The following SLC35F4 variants were observed in gnomAD, a reference collection of about 807,000 sequenced individuals.
SLC35F4 encodes chromosome 14 open reading frame 36.
Under a neutral mutation model 44.2 loss-of-function variants are expected in SLC35F4, and 24 were observed. That is an observed-to-expected ratio of 0.54 (90% confidence interval 0.39 to 0.76). The LOEUF (loss-of-function observed/expected upper bound fraction) is 0.76. SLC35F4 is among the 30% of genes least tolerant of loss of function. The probability of loss-of-function intolerance (pLI) is 0.00; values close to 1 mark genes in which losing one functional copy is unlikely to be tolerated. For missense variants in SLC35F4, 562 were observed against 586.1 expected (o/e 0.96, Z 0.42); for synonymous variants, 238 against 223.6 (o/e 1.06, Z -0.57).
At chr14:57,746,257 T>C (rs62003419) in intron 1 of SLC35F4, among the ~76,000 whole-genome samples, 33,259 of 152,012 alleles carry the variant, frequency 0.22, 4,171 homozygotes, top group South Asian at 0.34. Context: ...AAGTACTCAA[T>C]GATTCACCAT....
intron 6 of SLC35F4, among the ~76,000 whole-genome samples, chr14:57,569,052 T>C (rs979267593): frequency 1.3e-5 from 2 of 152,112 alleles, no homozygotes; most frequent in Non-Finnish European, 1.5e-5. Flanking sequence ...CTCAGAGTTA[T>C]AGGAAGCTGG....
In SLC35F4 at chr14:57,661,721, T is replaced by C. The variant is rs541877590; in HGVS notation, c.104-67597A>G. 3.3e-5 allele frequency among the ~76,000 whole-genome samples: 5 copies of C among 152,350 alleles called. No individual in the cohort carries two copies. In the South Asian group the frequency reaches 1.0e-3, roughly 32 times the overall value. ...TCATAAGGGTCCCAAATTCTAGAGC[T>C]ATGATTCTCAAACTTCAGCAAGCAT... On this transcript the variant is annotated intron_variant, in intron 1 of 7. Transcript: ENST00000556826.
intron 1 of SLC35F4, among the ~76,000 whole-genome samples, chr14:57,838,361 T>G (rs1221817379): frequency 6.6e-6 from 1 of 152,230 alleles, no homozygotes; most frequent in Admixed American, 6.5e-5. Context: ...AAACATTCTA[T>G]GTGCTCAAAC....
At position 57,564,006 on chromosome 14, in the gene SLC35F4, G is replaced by A. The variant is rs562797228; in HGVS notation, c.*129C>T. 7.5e-4 allele frequency: 749 copies of A among 996,492 alleles called. 2 individuals are homozygous for A. The highest frequency in any genetic ancestry group is 5.0e-3 in the South Asian group (274 of 54,310). 61.7% of individuals were successfully genotyped at this position (996,492 alleles called of 1,614,324 possible). On this transcript the variant is annotated 3_prime_UTR_variant, in exon 8 of 8. Transcript: ENST00000556826. ...AAGCATATAAATGTAAACTTTTATTGTTGGCATTATTTCACATATGATTTA... is the reference window on the plus strand; with the variant it reads ...AAGCATATAAATGTAAACTTTTATTATTGGCATTATTTCACATATGATTTA...
chr14:57,960,018 A>G (rs1486720283), intron 1 of SLC35F4, among the ~76,000 whole-genome samples: 1 of 152,158 alleles, frequency 6.6e-6, no homozygotes, highest in Non-Finnish European at 1.5e-5. Flanking sequence ...CTACCCAGAG[A>G]CAGGGCTCTG....
chr14:57,721,107 G>C (rs1230398009), intron 1 of SLC35F4, among the ~76,000 whole-genome samples: 1 of 149,900 alleles, frequency 6.7e-6, no homozygotes, highest in Admixed American at 6.7e-5. Flanking sequence ...GGTACCAGGA[G>C]TGGCTCCAGA....
At chr14:57,734,345 A>G (rs186472114) in intron 1 of SLC35F4, among the ~76,000 whole-genome samples, 1 of 152,348 alleles carries the variant, frequency 6.6e-6, no homozygotes, top group East Asian at 1.9e-4. Context: ...GAGATACTTA[A>G]TAGATATCTC....
chr14:57,807,391 C>T (rs778319786), intron 1 of SLC35F4, among the ~76,000 whole-genome samples: 2 of 151,926 alleles, frequency 1.3e-5, no homozygotes, highest in Non-Finnish European at 2.9e-5. Flanking sequence ...CCAACAGAGC[C>T]AAAGCCGTTG....
intron 1 of SLC35F4, among the ~76,000 whole-genome samples, chr14:57,600,774 G>C (rs1378325627): frequency 6.7e-6 from 1 of 148,820 alleles, no homozygotes; most frequent in Admixed American, 6.7e-5. Flanking sequence ...TTATATTTCA[G>C]CTTATTTTAA....
intron 1 of SLC35F4, among the ~76,000 whole-genome samples, chr14:57,820,749 T>C (rs1306968094): frequency 2.0e-5 from 3 of 152,212 alleles, no homozygotes. Context: ...ATTGTATTTT[T>C]AGTGTCAGAT....
At chr14:57,782,495 T>A (rs1158127140) in intron 1 of SLC35F4, among the ~76,000 whole-genome samples, 1 of 152,330 alleles carries the variant, frequency 6.6e-6, no homozygotes, top group Middle Eastern at 3.4e-3. Context: ...TTAAAATTTA[T>A]TAAAATCTAT....
chr14:57,767,138 T>C (rs1302987576), intron 1 of SLC35F4, among the ~76,000 whole-genome samples: 4 of 152,144 alleles, frequency 2.6e-5, no homozygotes, highest in African/African-American at 7.2e-5. Flanking sequence ...CAGTTAGAGT[T>C]GGGGATTTTG....
intron 1 of SLC35F4, among the ~76,000 whole-genome samples, chr14:57,940,984 G>A (rs1594640191): frequency 6.6e-6 from 1 of 152,168 alleles, no homozygotes; most frequent in African/African-American, 2.4e-5. Context: ...TAGGGAAAAC[G>A]AATCCACTCA....
intron 1 of SLC35F4, among the ~76,000 whole-genome samples, chr14:57,742,885 A>G (rs1230544078): frequency 6.6e-6 from 1 of 152,240 alleles, no homozygotes; most frequent in Admixed American, 6.5e-5. Context: ...CTCAGACCAC[A>G]GTGCAATCAA....
intron 4 of SLC35F4, among the ~76,000 whole-genome samples, chr14:57,572,454 C>T (rs767532840): frequency 2.6e-5 from 4 of 152,074 alleles, no homozygotes; most frequent in Non-Finnish European, 5.9e-5. Context: ...AGGTATGTTT[C>T]TGAAGATCTC....
At chr14:57,823,961 T>C (rs971742389) in intron 1 of SLC35F4, among the ~76,000 whole-genome samples, 2 of 152,164 alleles carry the variant, frequency 1.3e-5, no homozygotes, top group Admixed American at 6.6e-5. Context: ...CTCTACCTTG[T>C]AGATATTTCT....
intron 1 of SLC35F4, among the ~76,000 whole-genome samples, chr14:57,780,600 A>G (rs1327561343): frequency 2.0e-5 from 3 of 152,296 alleles, no homozygotes; most frequent in African/African-American, 4.8e-5. Flanking sequence ...TAAAATTTCT[A>G]TGGAACTAGA....
At chr14:57,668,804 G>A (rs1175003450) in intron 1 of SLC35F4, among the ~76,000 whole-genome samples, 1 of 152,082 alleles carries the variant, frequency 6.6e-6, no homozygotes, top group Admixed American at 6.5e-5. Flanking sequence ...GATTGACTTG[G>A]CGATGCGGGC....
At chr14:57,934,754 G>T (rs1889766624) in intron 1 of SLC35F4, among the ~76,000 whole-genome samples, 1 of 152,168 alleles carries the variant, frequency 6.6e-6, no homozygotes. Context: ...TTTTCTCTTA[G>T]CTGATGATAT....
Sources: allele counts gnomAD v4.1 joint callset (sites outside exome capture counted in the v4.1 genomes callset), GRCh38; gene constraint gnomAD v4.1.1; transcripts MANE v1.5; gene names NCBI Gene and HGNC (gene_info 2026-07-23, HGNC 2026-07-21).